The following DPP10 variants were observed in gnomAD, a reference collection of about 807,000 sequenced individuals.
DPP10 encodes dipeptidyl peptidase like 10, also known as inactive dipeptidyl peptidase 10.
Under a neutral mutation model 120.9 loss-of-function variants are expected in DPP10, and 33 were observed. The ratio of observed to expected loss-of-function variants is 0.27; its 90% CI spans 0.21 to 0.37. The LOEUF is 0.37. DPP10 is among the 10% of genes least tolerant of loss of function. The pLI is 1.00. For missense variants in DPP10, 816 were observed against 942.8 expected, an observed-to-expected ratio of 0.87 and a Z score of 1.76; for synonymous variants, 337 against 326.1, an observed-to-expected ratio of 1.03 and a Z score of -0.36.
intron 1 of DPP10, among the ~76,000 whole-genome samples, chr2:114,930,080 A>G (rs993637005): frequency 3.3e-5 from 5 of 152,138 alleles, no homozygotes; most frequent in African/African-American, 1.2e-4. Context: ...TGTCCTCCTA[A>G]GCCTCTGGGC....
intron 1 of DPP10, among the ~76,000 whole-genome samples, chr2:115,155,745 C>A (rs2051866268): frequency 6.6e-6 from 1 of 152,060 alleles, no homozygotes; most frequent in South Asian, 2.1e-4. Context: ...TATAGAAAAC[C>A]AATGGCAGAA....
chr2:115,304,906 C>A, intron 1 of DPP10, among the ~76,000 whole-genome samples: 1 of 152,034 alleles, frequency 6.6e-6, no homozygotes, highest in East Asian at 1.9e-4. Flanking sequence ...GTCTGGTAAA[C>A]TAAACTGTTC....
At chr2:114,455,729 G>A (rs57623594) in intron 1 of DPP10, among the ~76,000 whole-genome samples, 5,564 of 144,696 alleles carry the variant, frequency 0.038, 269 homozygotes, top group African/African-American at 0.12. Flanking sequence ...AAATTCATTT[G>A]TTTTTTTTTT....
intron 1 of DPP10, among the ~76,000 whole-genome samples, chr2:114,935,483 A>G (rs1696393721): frequency 6.6e-6 from 1 of 152,054 alleles, no homozygotes; most frequent in Non-Finnish European, 1.5e-5. Flanking sequence ...TCCCTTTGCA[A>G]TTTTCATCTA....
intron 1 of DPP10, among the ~76,000 whole-genome samples, chr2:115,289,423 T>C (rs1199691952): frequency 1.4e-5 from 2 of 139,544 alleles, no homozygotes; most frequent in East Asian, 2.1e-4. Flanking sequence ...GTGATTCTTA[T>C]CAAAATGCCA....
At chr2:114,536,428 C>T (rs1408945541) in intron 1 of DPP10, among the ~76,000 whole-genome samples, 9 of 106,804 alleles carry the variant, frequency 8.4e-5, no homozygotes, top group Admixed American at 2.5e-4. Flanking sequence ...TTTTTTGAGA[C>T]GTAGTCTCGC....
intron 1 of DPP10, chr2:115,161,046 A>G (rs1188302307): frequency 6.6e-6 from 1 of 152,370 alleles, no homozygotes; most frequent in South Asian, 2.1e-4. Context: ...AGAAAAAGAA[A>G]AAAGAAATGA....
chr2:115,427,364 C>T (rs843400), intron 3 of DPP10, among the ~76,000 whole-genome samples: 4,702 of 152,322 alleles, frequency 0.031, 242 homozygotes, highest in African/African-American at 0.11. Context: ...AGGCTTTTGC[C>T]TGGTAACCCA....
intron 12 of DPP10, among the ~76,000 whole-genome samples, chr2:115,763,043 A>C (rs1313424987): frequency 6.6e-6 from 1 of 152,204 alleles, no homozygotes; most frequent in Non-Finnish European, 1.5e-5. Flanking sequence ...AGTTTGTGAC[A>C]TAAATGAGGC....
intron 5 of DPP10, among the ~76,000 whole-genome samples, chr2:115,636,789 C>T (rs2086372336): frequency 6.6e-6 from 1 of 151,984 alleles, no homozygotes; most frequent in Admixed American, 6.6e-5. Context: ...AAGGTGAAAA[C>T]ATACCAATTA....
At chr2:114,725,309 T>G (rs1282603654) in intron 1 of DPP10, among the ~76,000 whole-genome samples, 1 of 152,224 alleles carries the variant, frequency 6.6e-6, no homozygotes. Flanking sequence ...TCCATGTTTT[T>G]CCAATTTTGA....
chr2:115,343,771 A>G (rs1288887574), intron 2 of DPP10, 46 bp from the exon 3 acceptor site: 1 of 1,390,508 alleles, frequency 7.2e-7, no homozygotes, highest in African/African-American at 1.5e-5. Flanking sequence ...CCTTTTAAAA[A>G]ACAAGCATAA....
intron 2 of DPP10, among the ~76,000 whole-genome samples, chr2:115,342,002 T>A (rs1223090139): frequency 2.0e-5 from 3 of 152,164 alleles, no homozygotes; most frequent in African/African-American, 7.2e-5. Flanking sequence ...ATTTGTTTAG[T>A]TTTATAAGAA....
intron 1 of DPP10, among the ~76,000 whole-genome samples, chr2:114,654,852 C>T (rs763153491): frequency 2.0e-5 from 3 of 152,086 alleles, no homozygotes; most frequent in Non-Finnish European, 4.4e-5. Flanking sequence ...AGTCCTTGAA[C>T]AAGTACCTGA....
At chr2:114,486,281 T>C (rs1681515164) in intron 1 of DPP10, among the ~76,000 whole-genome samples, 1 of 152,028 alleles carries the variant, frequency 6.6e-6, no homozygotes, top group Non-Finnish European at 1.5e-5. Context: ...TTTGGGGACA[T>C]CCATATGGGT....
intron 1 of DPP10, among the ~76,000 whole-genome samples, chr2:114,695,711 G>T (rs2105789990): frequency 6.6e-6 from 1 of 152,054 alleles, no homozygotes; most frequent in East Asian, 1.9e-4. Flanking sequence ...ATTCTTTTAT[G>T]GTTCCAGGGA....
chr2:114,712,582 C>A (rs1701095727), intron 1 of DPP10, among the ~76,000 whole-genome samples: 1 of 152,118 alleles, frequency 6.6e-6, no homozygotes, highest in African/African-American at 2.4e-5. Flanking sequence ...ATTTAGAACA[C>A]CTACTTCATC....
At chr2:115,772,806 C>T (rs1049824179) in intron 13 of DPP10, among the ~76,000 whole-genome samples, 3 of 152,060 alleles carry the variant, frequency 2.0e-5, no homozygotes, top group African/African-American at 7.2e-5. Flanking sequence ...GGTATAGCAC[C>T]TTTTTCTCTC....
chr2:114,942,901 T>C (rs1697068118), intron 1 of DPP10, among the ~76,000 whole-genome samples: 1 of 152,102 alleles, frequency 6.6e-6, no homozygotes, highest in African/African-American at 2.4e-5. Flanking sequence ...ATGAACTGTT[T>C]TTCTTTTGTT....
Sources: allele counts gnomAD v4.1 joint callset (sites outside exome capture counted in the v4.1 genomes callset), GRCh38; gene constraint gnomAD v4.1.1; transcripts MANE v1.5; gene names NCBI Gene and HGNC (gene_info 2026-07-23, HGNC 2026-07-21).